The following LRRTM4 variants were observed in gnomAD, a reference collection of about 807,000 sequenced individuals.
LRRTM4 encodes leucine rich repeat transmembrane neuronal 4.
LRRTM4 carries 25 observed loss-of-function variants against 47.6 expected under a neutral mutation model. The ratio of observed to expected loss-of-function variants is 0.53; its 90% CI spans 0.38 to 0.73. The LOEUF (loss-of-function observed/expected upper bound fraction) is 0.73. LRRTM4 is among the 30% of genes least tolerant of loss of function. The pLI is 0.00. For synonymous variants in LRRTM4, 311 were observed against 269.5 expected, an observed-to-expected ratio of 1.15 and a Z score of -1.51; for missense variants, 638 against 713.4, an observed-to-expected ratio of 0.89 and a Z score of 1.20.
chr2:77,437,762 G>C (rs1675661048), intron 3 of LRRTM4, among the ~76,000 whole-genome samples: 1 of 152,038 alleles, frequency 6.6e-6, no homozygotes, highest in Admixed American at 6.6e-5. Context: ...GATTGCCTTA[G>C]TTCCTTTTTG....
intron 3 of LRRTM4, among the ~76,000 whole-genome samples, chr2:77,293,613 G>C (rs1676891121): frequency 6.6e-6 from 1 of 152,034 alleles, no homozygotes; most frequent in Non-Finnish European, 1.5e-5. Context: ...AAAGAAAAAC[G>C]AACATACATA....
At chr2:76,804,658 T>G (rs1042062279) in intron 3 of LRRTM4, among the ~76,000 whole-genome samples, 2 of 147,790 alleles carry the variant, frequency 1.4e-5, no homozygotes, top group African/African-American at 4.9e-5. Flanking sequence ...ATATAGTAAA[T>G]ATATAGTATA....
At chr2:77,285,896 A>G (rs1676642703) in intron 3 of LRRTM4, among the ~76,000 whole-genome samples, 2 of 152,158 alleles carry the variant, frequency 1.3e-5, no homozygotes, top group South Asian at 4.1e-4. Context: ...AGTAACACTA[A>G]TAAAATGCTA....
intron 3 of LRRTM4, among the ~76,000 whole-genome samples, chr2:77,152,473 T>C (rs1161759381): frequency 6.6e-6 from 1 of 151,966 alleles, no homozygotes; most frequent in Non-Finnish European, 1.5e-5. Flanking sequence ...GGACTACAGG[T>C]GTGTGCCACC....
chr2:76,849,210 A>G (rs1296056319), intron 3 of LRRTM4, among the ~76,000 whole-genome samples: 1 of 152,122 alleles, frequency 6.6e-6, no homozygotes, highest in African/African-American at 2.4e-5. Flanking sequence ...AGAGAAAAGA[A>G]AAGTAGGTTG....
chr2:76,975,730 C>A (rs1176997794), intron 3 of LRRTM4, among the ~76,000 whole-genome samples: 4 of 151,672 alleles, frequency 2.6e-5, no homozygotes, highest in Non-Finnish European at 5.9e-5. Context: ...TGGCAGAGTA[C>A]CTTATAATAG....
intron 3 of LRRTM4, among the ~76,000 whole-genome samples, chr2:76,982,347 A>G (rs1676639643): frequency 6.6e-6 from 1 of 152,108 alleles, no homozygotes; most frequent in Non-Finnish European, 1.5e-5. Flanking sequence ...GGTGATGCAA[A>G]AGGGACAAAA....
chr2:77,472,392 T>TA (rs973480563), intron 3 of LRRTM4, among the ~76,000 whole-genome samples: 16 of 152,276 alleles, frequency 1.1e-4, no homozygotes, highest in African/African-American at 3.6e-4. Context: ...AAAATGTTGT[T>TA]ACCAGAGGCT....
intron 3 of LRRTM4, among the ~76,000 whole-genome samples, chr2:76,766,578 A>G (rs565642554): frequency 6.6e-6 from 1 of 152,290 alleles, no homozygotes; most frequent in South Asian, 2.1e-4. Flanking sequence ...TCCTTCATCA[A>G]GTTCTCTTGC....
chr2:77,234,110 G>A (rs1303186714), intron 3 of LRRTM4, among the ~76,000 whole-genome samples: 1 of 152,158 alleles, frequency 6.6e-6, no homozygotes, highest in Non-Finnish European at 1.5e-5. Context: ...ACCACTTTTA[G>A]AGTAGCACGT....
At position 77,360,962 on chromosome 2, in the gene LRRTM4, T is replaced by A. The variant is rs181362942; in HGVS notation, c.1551+157356A>T. On this transcript the variant is annotated intron_variant, in intron 3 of 3. Coordinates refer to ENST00000409884, the MANE Select transcript of LRRTM4 (RefSeq NM_001134745.3). Reference sequence around the variant, plus strand: ...TTCTTGTTTACATACCCACCATTTATCCCAGACTAGGATGAATCAAACCAC... The same window carrying A: ...TTCTTGTTTACATACCCACCATTTAACCCAGACTAGGATGAATCAAACCAC... Among the ~76,000 whole-genome samples, 402 of 152,208 alleles carry A rather than the reference T, an allele frequency of 2.6e-3. 3 individuals are homozygous for A. Among genetic ancestry groups the A allele is most frequent in the African/African-American group, 8.4e-3 (349 of 41,536 alleles).
At chr2:76,838,486 T>C (rs1331917201) in intron 3 of LRRTM4, among the ~76,000 whole-genome samples, 1 of 152,120 alleles carries the variant, frequency 6.6e-6, no homozygotes, top group Non-Finnish European at 1.5e-5. Flanking sequence ...TAAAAGAATT[T>C]CAACTTGCAG....
chr2:77,003,249 TATAG>T (rs1354261317), intron 3 of LRRTM4, among the ~76,000 whole-genome samples: 2 of 151,900 alleles, frequency 1.3e-5, no homozygotes, highest in Admixed American at 6.6e-5. Flanking sequence ...TTTTTATAAT[TATAG>T]ATTCTATTTT....
chr2:76,844,697 A>C (rs1261036105), intron 3 of LRRTM4, among the ~76,000 whole-genome samples: 22 of 152,156 alleles, frequency 1.4e-4, no homozygotes, highest in Admixed American at 1.3e-4. Flanking sequence ...TCTATTGACA[A>C]TTATGTCTGT....
At chr2:77,500,137 A>C (rs1404754732) in intron 3 of LRRTM4, among the ~76,000 whole-genome samples, 1 of 151,712 alleles carries the variant, frequency 6.6e-6, no homozygotes, top group East Asian at 1.9e-4. Flanking sequence ...TCAGTTGTAA[A>C]CACTCTTCCA....
At chr2:76,875,236 G>T (rs2104075557) in intron 3 of LRRTM4, among the ~76,000 whole-genome samples, 1 of 152,140 alleles carries the variant, frequency 6.6e-6, no homozygotes, top group East Asian at 1.9e-4. Context: ...TCATTTCTGT[G>T]GTAAGATTTA....
intron 3 of LRRTM4, among the ~76,000 whole-genome samples, chr2:77,264,562 A>T (rs1676002447): frequency 6.6e-6 from 1 of 152,132 alleles, no homozygotes; most frequent in Non-Finnish European, 1.5e-5. Flanking sequence ...AATCCAAGAC[A>T]ACTTAAAGAA....
At chr2:76,801,779 CA>C (rs1261812014) in intron 3 of LRRTM4, among the ~76,000 whole-genome samples, 1 of 152,056 alleles carries the variant, frequency 6.6e-6, no homozygotes, top group Non-Finnish European at 1.5e-5. Flanking sequence ...TCACCACGAT[CA>C]AATGAGATTT....
At chr2:77,088,685 C>T (rs562903052) in intron 3 of LRRTM4, among the ~76,000 whole-genome samples, 86 of 152,274 alleles carry the variant, frequency 5.6e-4, no homozygotes, top group South Asian at 1.0e-3. Context: ...AATTTGGTGC[C>T]GTGACTTGGA....
Sources: allele counts gnomAD v4.1 joint callset (sites outside exome capture counted in the v4.1 genomes callset), GRCh38; gene constraint gnomAD v4.1.1; transcripts MANE v1.5; gene names NCBI Gene and HGNC (gene_info 2026-07-23, HGNC 2026-07-21).